Variants in GPR37L1 observed in about 807,000 individuals in gnomAD.
GPR37L1 encodes the protein G protein-coupled receptor 37-like 1.
A neutral mutation model predicts 18.0 loss-of-function variants in GPR37L1; 18 were observed. The observed-to-expected ratio is 1.00, with a 90% CI of 0.69 to 1.49. The LOEUF is 1.49. Ranked by LOEUF, GPR37L1 falls within the 40% of genes most tolerant of loss-of-function variation. GPR37L1 has a pLI of 0.00. For missense variants in GPR37L1, 558 were observed against 615.1 expected (o/e 0.91, Z 0.98); for synonymous variants, 256 against 273.9 (o/e 0.93, Z 0.65).
At position 202,128,026 on chromosome 1, in the gene GPR37L1, C is replaced by T; in HGVS notation, c.916C>T (p.Gln306Ter). 1 of 1,614,176 alleles carries T rather than the reference C, an allele frequency of 6.2e-7. No individual in the cohort carries two copies. The highest frequency in any genetic ancestry group is 8.5e-7 in the Non-Finnish European group (1 of 1,180,032). ...ESLYSLVMTY[Q>*]NARMWWYFGC... ...CCTGTATTCACTGGTGATGACCTACCAGAACGCCCGCATGTGGTGGTACTT... is the reference window on the plus strand; with the variant it reads ...CCTGTATTCACTGGTGATGACCTACTAGAACGCCCGCATGTGGTGGTACTT... Residue 306 changes from glutamine (Q) to a stop codon, truncating the protein, a stop_gained, in exon 2 of 2, where the codon CAG becomes TAG. Transcript: ENST00000367282. LOFTEE classifies it low-confidence loss of function (END_TRUNC).
intron 1 of GPR37L1, among the ~76,000 whole-genome samples, chr1:202,127,244 A>G (rs1057278591): frequency 5.9e-5 from 9 of 152,136 alleles, no homozygotes; most frequent in African/African-American, 1.7e-4. Context: ...TGCTCATTAA[A>G]TGGAGTTGTT....
chr1:202,132,413 T>TGGGGAACTGCCTCTCCAGGC lies in GPR37L1; in HGVS notation c.*3858_*3877dup, dbSNP rs1323206213. On this transcript the variant is annotated 3_prime_UTR_variant, in exon 2 of 2. Transcript: ENST00000367282. ...ATTCTTTCCTCCAACTCTCTGGCAG[T>TGGGGAACTGCCTCTCCAGGC]GGGGAACTGCCTCTCCAGGCAGGGA... The TGGGGAACTGCCTCTCCAGGC allele has an allele frequency of 6.6e-6, 1 of 152,252 alleles. No individual in the cohort carries two copies. The highest frequency in any genetic ancestry group is 1.5e-5 in the Non-Finnish European group (1 of 68,074). 9.4% of individuals were successfully genotyped at this position (152,252 alleles called of 1,614,324 possible).
Position 202,123,092 on chromosome 1 carries a change from A to G in GPR37L1, c.129A>G (p.Arg43=). The stretch of plus-strand genomic sequence containing the variant: ...CCGAGACCCAGGAGCAGCAGAGCCG[A>G]TCCAAGAGGGGCACCGAGGATGAGG... ...HRAETQEQQS[R]SKRGTEDEEA... The change falls in exon 1 of 2, where the codon CGA becomes CGG. Residue 43 remains arginine, a synonymous_variant. Transcript: ENST00000367282. The G allele has an allele frequency of 6.2e-7, 1 of 1,613,744 alleles. No homozygotes were observed. Among genetic ancestry groups the G allele is most frequent in the Middle Eastern group, 1.7e-4 (1 of 5,964 alleles).
At chr1:202,123,819 G>T (rs1490199265) in intron 1 of GPR37L1, among the ~76,000 whole-genome samples, 4 of 152,082 alleles carry the variant, frequency 2.6e-5, no homozygotes, top group Non-Finnish European at 2.9e-5. Context: ...GGTGTGTGGG[G>T]CCCCTGGGTT....
intron 1 of GPR37L1, among the ~76,000 whole-genome samples, chr1:202,124,595 T>C (rs1261476066): frequency 6.6e-6 from 1 of 152,240 alleles, no homozygotes; most frequent in South Asian, 2.1e-4. Context: ...TTTGGCTGCA[T>C]GGAGTGTAAT....
intron 1 of GPR37L1, among the ~76,000 whole-genome samples, chr1:202,124,146 C>T (rs543341629): frequency 2.6e-5 from 4 of 152,116 alleles, no homozygotes; most frequent in Non-Finnish European, 2.9e-5. Flanking sequence ...AGCAAAAGAC[C>T]GCTCCGTTCT....
chr1:202,123,429 T>C lies in GPR37L1; in HGVS notation c.466T>C (p.Trp156Arg), dbSNP rs772421932. The C allele has an allele frequency of 6.2e-7, 1 of 1,614,112 alleles. No homozygotes were observed. The highest frequency in any genetic ancestry group is 8.5e-7 in the Non-Finnish European group (1 of 1,180,002). Residue 156 changes from tryptophan (W) to arginine (R), a missense_variant, in exon 1 of 2, where the codon TGG becomes CGG. Physicochemically the swap from Trp to Arg is moderately radical, Grantham distance 101 (BLOSUM62 -3). Coordinates refer to ENST00000367282, the MANE Select transcript of GPR37L1 (RefSeq NM_004767.5). ...VGNLSVMCIV[W>R]HSYYLKSAWN... ...CAACCTGTCGGTCATGTGCATCGTG[T>C]GGCACAGCTACTACCTGAAGAGTGC... is the stretch of plus-strand genomic sequence containing the variant.
At position 202,128,079 on chromosome 1, in the gene GPR37L1, C is replaced by T; in HGVS notation, c.969C>T (p.Leu323=). Residue 323 remains leucine (L), a synonymous_variant, in exon 2 of 2, where the codon CTC becomes CTT. Coordinates refer to ENST00000367282, the MANE Select transcript of GPR37L1 (RefSeq NM_004767.5). Reference sequence around the variant, plus strand: ...GCTGCTACTTCTGCCTGCCCATCCTCTTCACAGTCACCTGCCAGCTGGTGA... The same window carrying T: ...GCTGCTACTTCTGCCTGCCCATCCTTTTCACAGTCACCTGCCAGCTGGTGA... ...YFGCYFCLPI[L]FTVTCQLVTW... The T allele has an allele frequency of 6.2e-7, 1 of 1,614,208 alleles. No homozygotes were observed. The highest frequency in any genetic ancestry group is 8.5e-7 in the Non-Finnish European group (1 of 1,180,034).
chr1:202,123,323 G>A lies in GPR37L1; in HGVS notation c.360G>A (p.Leu120=). The change falls in exon 1 of 2, where the codon CTG becomes CTA. Residue 120 remains leucine (L), a synonymous_variant. Coordinates refer to ENST00000367282, the MANE Select transcript of GPR37L1 (RefSeq NM_004767.5). ...PGQRLQIQNP[L]YPVTESSYSA... ...AGAGGCTACAGATCCAGAACCCCCT[G>A]TATCCGGTGACCGAGAGCTCCTACA... 6.2e-7 allele frequency: 1 copy of A among 1,614,200 alleles called. No homozygotes were observed. Among genetic ancestry groups the A allele is most frequent in the Non-Finnish European group, 8.5e-7 (1 of 1,180,044 alleles).
rs574526788 is a variant in GPR37L1, at chr1:202,129,446, C to T, written c.*890C>T. On this transcript the variant is annotated 3_prime_UTR_variant, in exon 2 of 2. Coordinates refer to ENST00000367282, the MANE Select transcript of GPR37L1 (RefSeq NM_004767.5). ...TCCCTGGGTTGCCCTGTCCCAACCTCCTTGTTAGGTGCTTTCCCATAGGAG... is the reference window on the plus strand; with the variant it reads ...TCCCTGGGTTGCCCTGTCCCAACCTTCTTGTTAGGTGCTTTCCCATAGGAG... The T allele has an allele frequency of 4.6e-5, 7 of 152,414 alleles. No homozygotes were observed. Among genetic ancestry groups the T allele is most frequent in the African/African-American group, 1.7e-4 (7 of 41,572 alleles). 9.4% of individuals were successfully genotyped at this position (152,414 alleles called of 1,614,324 possible).
intron 1 of GPR37L1, among the ~76,000 whole-genome samples, chr1:202,126,690 G>A (rs1447846854): frequency 1.3e-5 from 2 of 152,134 alleles, no homozygotes; most frequent in Admixed American, 6.6e-5. Flanking sequence ...TGCCGCTCGG[G>A]CTGCTTCCTC....
Position 202,127,957 on chromosome 1 carries a change from C to T in GPR37L1, c.847C>T (p.Leu283=), listed in dbSNP as rs1049578368. Residue 283 remains leucine (L), a synonymous_variant, in exon 2 of 2, where the codon CTG becomes TTG. Coordinates refer to ENST00000367282, the MANE Select transcript of GPR37L1 (RefSeq NM_004767.5). The part of the protein sequence containing the change: ...AQEPAPTMGT[L]DSCIMKPSAS... ...GGAGCCTGCCCCCACCATGGGCACC[C>T]TGGACTCATGCATCATGAAACCCTC... is the stretch of plus-strand genomic sequence containing the variant. 2 of 1,613,948 alleles carry T rather than the reference C, an allele frequency of 1.2e-6. No homozygotes were observed. Among genetic ancestry groups the T allele is most frequent in the African/African-American group, 2.7e-5 (2 of 74,932 alleles).
In GPR37L1 at chr1:202,128,032, G is replaced by T. The variant is rs754197349; in HGVS notation, c.922G>T (p.Ala308Ser). 1.9e-6 allele frequency: 3 copies of T among 1,614,140 alleles called. No homozygotes were observed. The highest frequency in any genetic ancestry group is 1.7e-5 in the Admixed American group (1 of 60,022). Reference sequence around the variant, plus strand: ...TTCACTGGTGATGACCTACCAGAACGCCCGCATGTGGTGGTACTTTGGCTG... The same window carrying T: ...TTCACTGGTGATGACCTACCAGAACTCCCGCATGTGGTGGTACTTTGGCTG... ...LYSLVMTYQN[A>S]RMWWYFGCYF... The change falls in exon 2 of 2, where the codon GCC (alanine) becomes TCC (serine). Residue 308 changes from alanine (A) to serine (S), a missense_variant. Coordinates refer to ENST00000367282, the MANE Select transcript of GPR37L1 (RefSeq NM_004767.5).
chr1:202,128,285 A>G lies in GPR37L1; in HGVS notation c.1175A>G (p.Gln392Arg). The G allele has an allele frequency of 6.2e-7, 1 of 1,614,082 alleles. No homozygotes were observed. Among genetic ancestry groups the G allele is most frequent in the Non-Finnish European group, 8.5e-7 (1 of 1,180,024 alleles). ...TACCTCTCCACCGAGCTGACCCGCC[A>G]GACCCTGGACCTCCTGGGCCTCATC... Reference protein sequence around the residue: ...VAYLSTELTRQTLDLLGLINQ... With the variant: ...VAYLSTELTRRTLDLLGLINQ... The change falls in exon 2 of 2, where the codon CAG (glutamine) becomes CGG (arginine). Residue 392 changes from glutamine (Q) to arginine (R), a missense_variant. By Grantham distance (43) the Gln-to-Arg change is conservative. Coordinates refer to ENST00000367282, the MANE Select transcript of GPR37L1 (RefSeq NM_004767.5).
chr1:202,127,648 T>A, intron 1 of GPR37L1, 93 bp from the exon 2 acceptor site: 8 of 866,024 alleles, frequency 9.2e-6, no homozygotes, highest in Non-Finnish European at 1.5e-5. Flanking sequence ...ATCACTCAAT[T>A]CATGGTCTAA....
At position 202,133,074 on chromosome 1, in the gene GPR37L1, C is replaced by T. The variant is rs1654902368; in HGVS notation, c.*4518C>T. 6.6e-6 allele frequency: 1 copy of T among 152,340 alleles called. No homozygotes were observed. The highest frequency in any genetic ancestry group is 2.1e-4 in the South Asian group (1 of 4,834). 9.4% of individuals were successfully genotyped at this position (152,340 alleles called of 1,614,324 possible). ...TAAGGAGAGTGCAGCTCAGTTCGCACACAACAGCACCCAGCCCTGTCCCCT... is the reference window on the plus strand; with the variant it reads ...TAAGGAGAGTGCAGCTCAGTTCGCATACAACAGCACCCAGCCCTGTCCCCT... On this transcript the variant is annotated 3_prime_UTR_variant, in exon 2 of 2. Transcript: ENST00000367282.
intron 1 of GPR37L1, among the ~76,000 whole-genome samples, chr1:202,125,430 T>G (rs578259781): frequency 6.6e-6 from 1 of 152,278 alleles, no homozygotes; most frequent in African/African-American, 2.4e-5. Context: ...AAATGGGTGA[T>G]GTCTATACAG....
In GPR37L1 at chr1:202,127,950, G is replaced by A; in HGVS notation, c.840G>A (p.Met280Ile). 1 of 1,613,956 alleles carries A rather than the reference G, an allele frequency of 6.2e-7. No individual in the cohort carries two copies. The highest frequency in any genetic ancestry group is 1.3e-5 in the African/African-American group (1 of 75,014). Reference sequence around the variant, plus strand: ...TGGCACAGGAGCCTGCCCCCACCATGGGCACCCTGGACTCATGCATCATGA... The same window carrying A: ...TGGCACAGGAGCCTGCCCCCACCATAGGCACCCTGGACTCATGCATCATGA... ...WQLAQEPAPTMGTLDSCIMKP... is the reference protein window; with the variant it reads ...WQLAQEPAPTIGTLDSCIMKP... Residue 280 changes from methionine (M) to isoleucine (I), a missense_variant, in exon 2 of 2, where the codon ATG becomes ATA. Coordinates refer to ENST00000367282, the MANE Select transcript of GPR37L1 (RefSeq NM_004767.5).
Position 202,127,952 on chromosome 1 carries a change from G to A in GPR37L1, c.842G>A (p.Gly281Asp). 1.2e-6 allele frequency: 2 copies of A among 1,613,894 alleles called. No individual in the cohort carries two copies. The highest frequency in any genetic ancestry group is 2.2e-5 in the East Asian group (1 of 44,872). ...QLAQEPAPTM[G>D]TLDSCIMKPS... ...GCACAGGAGCCTGCCCCCACCATGG[G>A]CACCCTGGACTCATGCATCATGAAA... The change falls in exon 2 of 2, where the codon GGC becomes GAC. Residue 281 changes from glycine (G) to aspartate (D), a missense_variant. Gly to Asp is a moderately conservative substitution (Grantham distance 94). Coordinates refer to ENST00000367282, the MANE Select transcript of GPR37L1 (RefSeq NM_004767.5).
Sources: allele counts gnomAD v4.1 joint callset (sites outside exome capture counted in the v4.1 genomes callset), GRCh38; gene constraint gnomAD v4.1.1; transcripts MANE v1.5; gene names NCBI Gene and HGNC (gene_info 2026-07-23, HGNC 2026-07-21).